BCL11B: variants seen among roughly 807,000 people sequenced by gnomAD.
BCL11B encodes B-cell lymphoma/leukemia 11B.
Under a neutral mutation model 49.9 loss-of-function variants are expected in BCL11B, and 8 were observed. The ratio of observed to expected loss-of-function variants is 0.16; its 90% confidence interval spans 0.09 to 0.29. The LOEUF (loss-of-function observed/expected upper bound fraction) is 0.29, where lower values mean the gene tolerates loss of function less well. Among genes scored for constraint, BCL11B ranks in the 10% least tolerant of loss-of-function variants. The pLI is 1.00. For missense variants in BCL11B, 1,006 were observed against 1,351.0 expected (o/e 0.74, Z 4.00); for synonymous variants, 739 against 637.4 (o/e 1.16, Z -2.40).
intron 3 of BCL11B, among the ~76,000 whole-genome samples, chr14:99,222,553 G>T (rs1255602638): frequency 1.3e-5 from 2 of 152,192 alleles, no homozygotes; most frequent in African/African-American, 4.8e-5. Flanking sequence ...CCCAATTTGA[G>T]GTGATCCGAT....
At chr14:99,215,698 G>A (rs1240011201) in intron 3 of BCL11B, among the ~76,000 whole-genome samples, 4 of 152,136 alleles carry the variant, frequency 2.6e-5, no homozygotes, top group Non-Finnish European at 5.9e-5. Flanking sequence ...AAATCCATAG[G>A]TTATTAGCTG....
Position 99,174,758 on chromosome 14 carries a change from T to C in BCL11B, c.2078A>G (p.Asp693Gly). The C allele has an allele frequency of 1.3e-6, 2 of 1,507,170 alleles. No individual in the cohort carries two copies. The highest frequency in any genetic ancestry group is 1.8e-6 in the Non-Finnish European group (2 of 1,128,198). The allele number at this position is 1,507,170 out of a possible 1,614,324, so 93.4% of individuals were successfully genotyped here. Residue 693 changes from aspartate (D) to glycine (G), a missense_variant, in exon 4 of 4, where the codon GAC becomes GGC. Transcript: ENST00000357195. Reference protein sequence around the residue: ...SAAKRIKVEKDLELPPAALIP... With the variant: ...SAAKRIKVEKGLELPPAALIP... ...GAGCGCGGCGGGCGGCAGCTCCAGG[T>C]CCTTCTCCACCTTGATGCGCTTGGC...
rs1031469353 is a variant in BCL11B, at chr14:99,192,757, C to T, written c.641-16562G>A. 2.6e-5 allele frequency among the ~76,000 whole-genome samples: 4 copies of T among 152,120 alleles called. No homozygotes were observed. The highest frequency in any genetic ancestry group is 1.3e-4 in the Admixed American group (2 of 15,268). On this transcript the variant is annotated intron_variant, in intron 3 of 3. Transcript: ENST00000357195. This position sits in a 1 kb window ranked among gnomAD's most constrained non-coding sequence, Gnocchi z 4.0. ...GCTCCAAGTTCCTTATCCATAAATG[C>T]GAGTGACACCTGTATTGAGGATGTG...
At chr14:99,266,195 T>C (rs1889478182) in intron 1 of BCL11B, among the ~76,000 whole-genome samples, 1 of 152,190 alleles carries the variant, frequency 6.6e-6, no homozygotes, top group Non-Finnish European at 1.5e-5. Context: ...GAACATTACC[T>C]AATAAATGGA....
chr14:99,253,502 C>G (rs752726135), intron 2 of BCL11B, among the ~76,000 whole-genome samples: 7 of 152,172 alleles, frequency 4.6e-5, no homozygotes, highest in African/African-American at 1.7e-4. Flanking sequence ...CACCTACCCC[C>G]ACCGTGTGCC....
chr14:99,169,995 TG>T lies in BCL11B; in HGVS notation c.*4155del. 1 of 228,844 alleles carries T rather than the reference TG, an allele frequency of 4.4e-6. No homozygotes were observed. Among genetic ancestry groups the T allele is most frequent in the Middle Eastern group, 1.3e-3 (1 of 764 alleles). The allele number at this position is 228,844 out of a possible 1,614,324, so 14.2% of individuals were successfully genotyped here. On this transcript the variant is annotated 3_prime_UTR_variant, in exon 4 of 4. Coordinates refer to ENST00000357195, the MANE Select transcript of BCL11B (RefSeq NM_138576.4). The stretch of plus-strand genomic sequence containing the variant: ...CTCTCGGGATCATCTGCTTCCGTGT[TG>T]GTTTTTTAAACACAAAACAGAAGCA...
At chr14:99,255,425 A>T (rs938699196) in intron 2 of BCL11B, among the ~76,000 whole-genome samples, 1 of 149,620 alleles carries the variant, frequency 6.7e-6, no homozygotes, top group Non-Finnish European at 1.5e-5. Context: ...AAAAAAAAAA[A>T]AAAAAAAAAA....
At chr14:99,240,876 A>C (rs1166190449) in intron 2 of BCL11B, among the ~76,000 whole-genome samples, 1 of 152,252 alleles carries the variant, frequency 6.6e-6, no homozygotes, top group African/African-American at 2.4e-5. Flanking sequence ...AGAGGTTTAC[A>C]TTCGGCTGAG....
intron 1 of BCL11B, among the ~76,000 whole-genome samples, chr14:99,261,684 C>T (rs1489210814): frequency 6.6e-6 from 1 of 152,168 alleles, no homozygotes; most frequent in South Asian, 2.1e-4. Context: ...CCCCAAGTGT[C>T]GGGCAGCCCT....
chr14:99,199,409 C>T (rs552572040), intron 3 of BCL11B, among the ~76,000 whole-genome samples: 9 of 152,240 alleles, frequency 5.9e-5, no homozygotes, highest in African/African-American at 1.9e-4. Context: ...TTTCAACAGC[C>T]GAGGAATTCT....
chr14:99,186,714 C>T (rs1383400141), intron 3 of BCL11B, among the ~76,000 whole-genome samples: 1 of 152,192 alleles, frequency 6.6e-6, no homozygotes, highest in East Asian at 1.9e-4. Context: ...TAAATCCCAT[C>T]ATAGTGAAAA....
intron 2 of BCL11B, among the ~76,000 whole-genome samples, chr14:99,236,580 A>G (rs1323467446): frequency 2.6e-5 from 4 of 152,154 alleles, no homozygotes; most frequent in Non-Finnish European, 5.9e-5. Context: ...AGGCTGGTCC[A>G]GAGGGAACCC....
intron 3 of BCL11B, among the ~76,000 whole-genome samples, chr14:99,193,303 A>C (rs1163254933): frequency 6.6e-6 from 1 of 152,218 alleles, no homozygotes; most frequent in African/African-American, 2.4e-5. Flanking sequence ...CACAATTAAC[A>C]TGTGATTATA....
intron 2 of BCL11B, among the ~76,000 whole-genome samples, chr14:99,255,588 T>C (rs141902735): frequency 2.0e-5 from 3 of 152,156 alleles, no homozygotes; most frequent in Non-Finnish European, 4.4e-5. Flanking sequence ...GAAATGAGGA[T>C]TTGGATGTTT....
At position 99,175,404 on chromosome 14, in the gene BCL11B, T is replaced by C. The variant is rs888188395; in HGVS notation, c.1432A>G (p.Met478Val). 1.2e-6 allele frequency: 2 copies of C among 1,607,018 alleles called. No individual in the cohort carries two copies. Among genetic ancestry groups the C allele is most frequent in the Admixed American group, 1.7e-5 (1 of 59,780 alleles). ...CCGGCCAGCGAGCCGGCCTTGTGCATGTGCGTCTTCATGTGGCGCTTGAGC... is the reference window on the plus strand; with the variant it reads ...CCGGCCAGCGAGCCGGCCTTGTGCACGTGCGTCTTCATGTGGCGCTTGAGC... ...SKLKRHMKTH[M>V]HKAGSLAGRS... Residue 478 changes from methionine to valine, a missense_variant, in exon 4 of 4, where the codon ATG (methionine) becomes GTG (valine). Physicochemically the swap from Met to Val is conservative, Grantham distance 21 (BLOSUM62 1). Coordinates refer to ENST00000357195, the MANE Select transcript of BCL11B (RefSeq NM_138576.4).
rs1595209428 is a variant in BCL11B at position 99,170,536 on chromosome 14, G to A, written c.*3615C>T. Reference sequence around the variant, plus strand: ...AAAATAAAATAGAGGATTAGGGGAGGAACAGACAGGAAGAAAAGAAATTAA... The same window carrying A: ...AAAATAAAATAGAGGATTAGGGGAGAAACAGACAGGAAGAAAAGAAATTAA... On this transcript the variant is annotated 3_prime_UTR_variant, in exon 4 of 4. Transcript: ENST00000357195. 6 of 229,514 alleles carry A rather than the reference G, an allele frequency of 2.6e-5. No homozygotes were observed. In the East Asian group the frequency reaches 3.1e-4, roughly 12 times the overall value. 14.2% of individuals were successfully genotyped at this position (229,514 alleles called of 1,614,324 possible).
At position 99,232,235 on chromosome 14, in the gene BCL11B, C is replaced by G. The variant is rs554553884; in HGVS notation, c.428-678G>C. On this transcript the variant is annotated intron_variant, in intron 2 of 3. Transcript: ENST00000357195. This position sits in a 1 kb window ranked among gnomAD's most constrained non-coding sequence, Gnocchi z 5.1. Reference sequence around the variant, plus strand: ...CCTGGCGCTGCTCACCCCCTCCTAACGTCTCGGCCTGGCTTGGGAGGCCTC... The same window carrying G: ...CCTGGCGCTGCTCACCCCCTCCTAAGGTCTCGGCCTGGCTTGGGAGGCCTC... Among the ~76,000 whole-genome samples, 2 of 152,152 alleles carry G rather than the reference C, an allele frequency of 1.3e-5. No individual in the cohort carries two copies. The highest frequency in any genetic ancestry group is 2.9e-5 in the Non-Finnish European group (2 of 68,020).
chr14:99,209,709 G>A (rs1026107729), intron 3 of BCL11B, among the ~76,000 whole-genome samples: 2 of 152,118 alleles, frequency 1.3e-5, no homozygotes, highest in African/African-American at 4.8e-5. Flanking sequence ...GCCCGAGGGT[G>A]GGTGAGAGGT....
chr14:99,174,096 C>A lies in BCL11B; in HGVS notation c.*55G>T. ...CACGGAGGCAAGTCAGGTCAGCATT[C>A]TCTCGGTTGGCAACGGTTCCACTGT... On this transcript the variant is annotated 3_prime_UTR_variant, in exon 4 of 4. Transcript: ENST00000357195. The A allele has an allele frequency of 6.4e-7, 1 of 1,560,590 alleles. No homozygotes were observed. Among genetic ancestry groups the A allele is most frequent in the Non-Finnish European group, 8.7e-7 (1 of 1,148,228 alleles).
Sources: allele counts gnomAD v4.1 joint callset (sites outside exome capture counted in the v4.1 genomes callset), GRCh38; gene constraint gnomAD v4.1.1; non-coding constraint Gnocchi (gnomAD v3.1); transcripts MANE v1.5; gene names NCBI Gene and HGNC (gene_info 2026-07-23, HGNC 2026-07-21).